The following SERINC5 variants were observed in gnomAD, a reference collection of about 807,000 sequenced individuals.
The protein encoded by SERINC5 is chromosome 5 open reading frame 12.
SERINC5 carries 41 observed loss-of-function variants against 63.1 expected under a neutral mutation model. The observed-to-expected ratio is 0.65, with a 90% CI of 0.51 to 0.84. The LOEUF (loss-of-function observed/expected upper bound fraction) is 0.84, where lower values mean the gene tolerates loss of function less well. Ranked by LOEUF, SERINC5 falls within the 40% of genes least tolerant of loss-of-function variation. The pLI, the probability that SERINC5 is intolerant of heterozygous loss-of-function variation, is 0.00. For synonymous variants in SERINC5, 222 were observed against 215.2 expected (o/e 1.03, Z -0.28); for missense variants, 523 against 573.0 (o/e 0.91, Z 0.89).
At chr5:80,148,991 A>G (rs1746002203) in intron 9 of SERINC5, among the ~76,000 whole-genome samples, 1 of 152,200 alleles carries the variant, frequency 6.6e-6, no homozygotes, top group African/African-American at 2.4e-5. Flanking sequence ...CTGAGGTCTT[A>G]GTTATTTTGA....
rs936564618 is a variant in SERINC5 at position 80,179,187 on chromosome 5, T to C, written c.196-1123A>G. 6.6e-5 allele frequency among the ~76,000 whole-genome samples: 10 copies of C among 152,010 alleles called. No homozygotes were observed. The East Asian group carries it at 1.7e-3, about 27-fold the overall frequency. On this transcript the variant is annotated intron_variant, in intron 2 of 11. Transcript: ENST00000507668. ...GGTGGCTCGTGCCTGTAATCCCAGCTACTAGGGAGGCTGAGGCAGGAGAAC... is the reference window on the plus strand; with the variant it reads ...GGTGGCTCGTGCCTGTAATCCCAGCCACTAGGGAGGCTGAGGCAGGAGAAC...
Position 80,147,213 on chromosome 5 carries a change from A to G in SERINC5, c.1093+32T>C, listed in dbSNP as rs1313339418. On this transcript the variant is annotated intron_variant, in intron 10 of 11. Transcript: ENST00000507668. ...TAGAGTTATAGGTCTGCAGTGCCAC[A>G]CAGGTGCAAAGAATAAAAGCGCTCT... The G allele has an allele frequency of 3.2e-6, 5 of 1,577,970 alleles. No individual in the cohort carries two copies. In the East Asian group the frequency reaches 9.3e-5, roughly 29 times the overall value.
chr5:80,135,121 T>C (rs1056955782), downstream of SERINC5, among the ~76,000 whole-genome samples: 1 of 152,150 alleles, frequency 6.6e-6, no homozygotes, highest in Non-Finnish European at 1.5e-5. Flanking sequence ...TGGAGCACAA[T>C]GGCACAATCA....
At chr5:80,242,589 A>C (rs1379819286) in intron 1 of SERINC5, among the ~76,000 whole-genome samples, 1 of 152,186 alleles carries the variant, frequency 6.6e-6, no homozygotes, top group Non-Finnish European at 1.5e-5. Context: ...GTCTCTACTA[A>C]AAATACAAAA....
At chr5:80,134,245 G>A (rs535625876), downstream of SERINC5, among the ~76,000 whole-genome samples, 1 of 152,298 alleles carries the variant, frequency 6.6e-6, no homozygotes, top group Non-Finnish European at 1.5e-5. Context: ...CAGCACGTTG[G>A]AAGGCCGAGG....
chr5:80,200,558 G>C (rs912614975), intron 2 of SERINC5, among the ~76,000 whole-genome samples: 2 of 151,892 alleles, frequency 1.3e-5, no homozygotes, highest in African/African-American at 4.8e-5. Flanking sequence ...TCCATTTCTC[G>C]CAAGTGTGAA....
chr5:80,221,330 GCC>G (rs1750895414), intron 1 of SERINC5, among the ~76,000 whole-genome samples: 1 of 152,190 alleles, frequency 6.6e-6, no homozygotes, highest in East Asian at 1.9e-4. Flanking sequence ...ACACCCAACA[GCC>G]AGCTGCCCTC....
At chr5:80,177,527 G>A in intron 3 of SERINC5, 130 bp from the exon 4 acceptor site, 2 of 728,390 alleles carry the variant, frequency 2.7e-6, no homozygotes, top group Non-Finnish European at 4.6e-6. Flanking sequence ...CTAATCAAGG[G>A]GAAGTAACTA....
chr5:80,116,002 C>T (rs1277749416), intron 11 of SERINC5: 1 of 265,824 alleles, frequency 3.8e-6, no homozygotes, highest in Non-Finnish European at 7.4e-6. Flanking sequence ...ATGTTAATTC[C>T]ACACACACGT....
intron 1 of SERINC5, among the ~76,000 whole-genome samples, chr5:80,228,069 A>G: frequency 9.3e-6 from 1 of 107,414 alleles, no homozygotes; most frequent in East Asian, 2.1e-4. Context: ...AAATAATATG[A>G]AAAAAAAAAA....
At chr5:80,218,330 C>T (rs1371751029) in intron 1 of SERINC5, among the ~76,000 whole-genome samples, 20 of 152,130 alleles carry the variant, frequency 1.3e-4, no homozygotes. Context: ...CACCTGAGGT[C>T]GGAAGTTCTA....
chr5:80,208,308 G>C (rs981405388), intron 1 of SERINC5, among the ~76,000 whole-genome samples: 2 of 151,286 alleles, frequency 1.3e-5, no homozygotes, highest in Admixed American at 1.3e-4. Flanking sequence ...CAAGTGGGGA[G>C]GGGAGGTATA....
chr5:80,190,106 CTTTTTTTTTTTTTT>C (rs11422784), intron 2 of SERINC5, among the ~76,000 whole-genome samples: 1 of 93,242 alleles, frequency 1.1e-5, no homozygotes, highest in Non-Finnish European at 2.0e-5. Context: ...GTCTCCCGTA[CTTTTTTTTTTTTTT>C]TTTTTTTTTG....
Position 80,141,620 on chromosome 5 carries a change from C to T in SERINC5, c.*2043G>A. On this transcript the variant is annotated 3_prime_UTR_variant, in exon 12 of 12. Coordinates refer to ENST00000507668, the MANE Select transcript of SERINC5 (RefSeq NM_001174072.3). ...CAGGGTGTTTCCTAAAGACAACCCCCAAGGCCCTAGGCCACTGCAACACAG... is the reference window on the plus strand; with the variant it reads ...CAGGGTGTTTCCTAAAGACAACCCCTAAGGCCCTAGGCCACTGCAACACAG... The T allele has an allele frequency of 1.0e-6, 1 of 985,534 alleles. No homozygotes were observed. The highest frequency in any genetic ancestry group is 1.2e-6 in the Non-Finnish European group (1 of 830,040). 61.0% of individuals were successfully genotyped at this position (985,534 alleles called of 1,614,324 possible). A position where few individuals can be genotyped will look rare whatever the true frequency, so the allele number is the denominator to read the frequency against.
At chr5:80,158,723 T>G (rs1032587705) in intron 8 of SERINC5, 113 bp downstream of exon 8, 3 of 1,003,244 alleles carry the variant, frequency 3.0e-6, no homozygotes, top group African/African-American at 3.3e-5. Flanking sequence ...CTTGTGGTTA[T>G]TTTCCCCCCT....
At position 80,141,454 on chromosome 5, in the gene SERINC5, C is replaced by T. The variant is rs774411356; in HGVS notation, c.*2209G>A. ...CCTTGTCAGCTGGACCTTGACTGCGCGTAAGGTCAGTTTCTCAAATCACAC... is the reference window on the plus strand; with the variant it reads ...CCTTGTCAGCTGGACCTTGACTGCGTGTAAGGTCAGTTTCTCAAATCACAC... On this transcript the variant is annotated 3_prime_UTR_variant, in exon 12 of 12. Coordinates refer to ENST00000507668, the MANE Select transcript of SERINC5 (RefSeq NM_001174072.3). The T allele has an allele frequency of 1.8e-5, 18 of 981,222 alleles. No individual in the cohort carries two copies. Among genetic ancestry groups the T allele is most frequent in the Middle Eastern group, 5.2e-4 (1 of 1,936 alleles). 60.8% of individuals were successfully genotyped at this position (981,222 alleles called of 1,614,324 possible).
At chr5:80,147,490 G>A (rs966599624) in intron 9 of SERINC5, among the ~76,000 whole-genome samples, 11 of 152,270 alleles carry the variant, frequency 7.2e-5, no homozygotes, top group African/African-American at 2.6e-4. Flanking sequence ...CTTGGTGCTC[G>A]CTCCTGCTAC....
intron 1 of SERINC5, among the ~76,000 whole-genome samples, chr5:80,227,261 C>T (rs1751210092): frequency 6.6e-6 from 1 of 151,674 alleles, no homozygotes; most frequent in Non-Finnish European, 1.5e-5. Flanking sequence ...GAGGAAAAGA[C>T]AAAATAAGTA....
chr5:80,202,558 T>C (rs541892559), intron 2 of SERINC5, among the ~76,000 whole-genome samples: 1 of 152,150 alleles, frequency 6.6e-6, no homozygotes, highest in South Asian at 2.1e-4. Flanking sequence ...CACCACAAGG[T>C]AATATATCAA....
Sources: gnomAD v4.1 joint callset for allele counts (sites outside exome capture counted in the v4.1 genomes callset) on GRCh38, gnomAD v4.1.1 for gene constraint, MANE v1.5 for transcripts, NCBI Gene and HGNC (gene_info 2026-07-23, HGNC 2026-07-21) for gene names.